The following NMNAT3 variants were observed in gnomAD, a reference collection of about 807,000 sequenced individuals.
NMNAT3 encodes nicotinamide/nicotinic acid mononucleotide adenylyltransferase 3.
Under a neutral mutation model 24.8 loss-of-function variants are expected in NMNAT3, and 21 were observed. The ratio of observed to expected loss-of-function variants is 0.85; its 90% CI spans 0.60 to 1.22. NMNAT3 has a LOEUF of 1.22. Ranked by LOEUF, NMNAT3 falls within the 50% of genes most tolerant of loss-of-function variation. NMNAT3 has a pLI of 0.00. For missense variants in NMNAT3, 387 were observed against 436.6 expected (o/e 0.89, Z 1.01); for synonymous variants, 136 against 155.2 (o/e 0.88, Z 0.92).
At chr3:139,627,303 T>G (rs2056094929) in intron 3 of NMNAT3, among the ~76,000 whole-genome samples, 1 of 152,130 alleles carries the variant, frequency 6.6e-6, no homozygotes, top group Non-Finnish European at 1.5e-5. Flanking sequence ...TAGGTAGATG[T>G]TGGGAGTACC....
intron 3 of NMNAT3, among the ~76,000 whole-genome samples, chr3:139,606,822 G>C (rs577539937): frequency 6.6e-6 from 1 of 152,018 alleles, no homozygotes; most frequent in South Asian, 2.1e-4. Context: ...ATTCTGTGGG[G>C]TGTAATCCCT....
At chr3:139,579,199 T>C (rs1939804432) in intron 4 of NMNAT3, 144 bp from the exon 5 acceptor site, 3 of 672,740 alleles carry the variant, frequency 4.5e-6, no homozygotes, top group African/African-American at 1.8e-5. Context: ...GGAGAAAGGG[T>C]AGCTCCCTTA....
At chr3:139,584,083 CA>C (rs139188496) in intron 3 of NMNAT3, 11,865 of 156,362 alleles carry the variant, frequency 0.076, 608 homozygotes, top group Middle Eastern at 0.22. Flanking sequence ...CTTTCTGTTT[CA>C]CTAATTTCTG....
intron 3 of NMNAT3, among the ~76,000 whole-genome samples, chr3:139,598,073 T>C (rs185529482): frequency 6.6e-6 from 1 of 152,318 alleles, no homozygotes; most frequent in East Asian, 1.9e-4. Flanking sequence ...CTTAAATAAA[T>C]AGAATTAGAT....
chr3:139,662,020 G>A (rs938782874), intron 1 of NMNAT3, among the ~76,000 whole-genome samples: 2 of 151,922 alleles, frequency 1.3e-5, no homozygotes, highest in African/African-American at 2.4e-5. Flanking sequence ...GAATGTCCCC[G>A]CAAAATCCTC....
At chr3:139,609,744 C>G (rs1358618427) in intron 3 of NMNAT3, 1 of 151,960 alleles carries the variant, frequency 6.6e-6, no homozygotes, top group African/African-American at 2.4e-5. Flanking sequence ...TATTAATCAG[C>G]CCAGGAGTTT....
chr3:139,562,948 T>C (rs1408408333), intron 6 of NMNAT3, among the ~76,000 whole-genome samples: 1 of 152,234 alleles, frequency 6.6e-6, no homozygotes, highest in Non-Finnish European at 1.5e-5. Flanking sequence ...ACTAAGACTC[T>C]AGAGCCAGAC....
intron 6 of NMNAT3, among the ~76,000 whole-genome samples, chr3:139,562,247 A>T (rs1936513905): frequency 6.6e-6 from 1 of 152,158 alleles, no homozygotes; most frequent in Non-Finnish European, 1.5e-5. Context: ...CCAGGCAGCC[A>T]TCCTCCAGGT....
chr3:139,572,452 C>G (rs564976621), intron 6 of NMNAT3, among the ~76,000 whole-genome samples: 8 of 152,286 alleles, frequency 5.3e-5, no homozygotes, highest in Non-Finnish European at 7.3e-5. Context: ...GCCCCCCAGA[C>G]TGGCTGTAAA....
At chr3:139,571,689 A>G (rs996423948) in intron 6 of NMNAT3, among the ~76,000 whole-genome samples, 6 of 152,146 alleles carry the variant, frequency 3.9e-5, no homozygotes, top group Admixed American at 6.5e-5. Flanking sequence ...GAGAGTTCAT[A>G]TTAATGAGAG....
At chr3:139,593,433 A>C (rs1291717831) in intron 3 of NMNAT3, among the ~76,000 whole-genome samples, 5 of 152,194 alleles carry the variant, frequency 3.3e-5, no homozygotes, top group East Asian at 3.9e-4. Flanking sequence ...ATACCCAGGA[A>C]TTGAACTCAG....
rs144257912 is a variant in NMNAT3, at chr3:139,571,011, G to A, written c.658+2587C>T. On this transcript the variant is annotated intron_variant, in intron 6 of 6. Transcript: ENST00000643695. ...TCCACCCAGTTGGAGCTTCCTGGAC[G>A]CTTTGTTTACCTAATGAAACAACTA... is the stretch of plus-strand genomic sequence containing the variant. 728 of 152,766 alleles carry A rather than the reference G, an allele frequency of 4.8e-3. 4 individuals carry two copies. Among genetic ancestry groups the A allele is most frequent in the Admixed American group, 9.7e-3 (149 of 15,302 alleles). The allele number at this position is 152,766 out of a possible 1,614,324, so 9.5% of individuals were successfully genotyped here. A position where few individuals can be genotyped will look rare whatever the true frequency, so the allele number is the denominator to read the frequency against.
intron 6 of NMNAT3, 108 bp from the exon 7 acceptor site, chr3:139,561,500 T>G (rs1322555559): frequency 1.9e-6 from 2 of 1,031,304 alleles, no homozygotes; most frequent in African/African-American, 1.6e-5. Flanking sequence ...TATCGAGAAC[T>G]CAGTGTCTCC....
chr3:139,662,695 T>G (rs2057454111), intron 1 of NMNAT3, among the ~76,000 whole-genome samples: 1 of 151,992 alleles, frequency 6.6e-6, no homozygotes, highest in African/African-American at 2.4e-5. Flanking sequence ...AGCAGAGAGG[T>G]TCTCCAAGGG....
chr3:139,639,946 A>G (rs994344185), intron 1 of NMNAT3, among the ~76,000 whole-genome samples: 2 of 152,184 alleles, frequency 1.3e-5, no homozygotes, highest in Admixed American at 6.5e-5. Flanking sequence ...CACTCCTTCC[A>G]TATATAATAC....
At chr3:139,592,424 A>G (rs111656508) in intron 3 of NMNAT3, among the ~76,000 whole-genome samples, 7 of 152,366 alleles carry the variant, frequency 4.6e-5, no homozygotes, top group South Asian at 2.1e-4. Context: ...AACTTCCCCA[A>G]TCTAGCAAGG....
chr3:139,615,478 T>C lies in NMNAT3; in HGVS notation c.109+12138A>G, dbSNP rs936718433. ...ATCTATCTATCCATCCACCCACCCA[T>C]CCATCCATTTATCCATCTACCCACC... On this transcript the variant is annotated intron_variant, in intron 3 of 6. Coordinates refer to ENST00000643695, the MANE Select transcript of NMNAT3 (RefSeq NM_001320510.2). 4.1e-3 allele frequency among the ~76,000 whole-genome samples: 614 copies of C among 150,292 alleles called. 6 individuals carry two copies. The highest frequency in any genetic ancestry group is 3.0e-3 in the Non-Finnish European group (200 of 67,418).
chr3:139,653,604 C>A (rs1011235266), intron 1 of NMNAT3, among the ~76,000 whole-genome samples: 10 of 152,194 alleles, frequency 6.6e-5, no homozygotes, highest in Non-Finnish European at 1.5e-4. Context: ...CAGGAGGATG[C>A]CCGAGAGGGC....
intron 1 of NMNAT3, among the ~76,000 whole-genome samples, chr3:139,639,881 C>A (rs1469483933): frequency 1.9e-4 from 29 of 152,136 alleles, no homozygotes. Flanking sequence ...GAGGGACAGA[C>A]AATTGAGAAG....
Sources: allele counts gnomAD v4.1 joint callset (sites outside exome capture counted in the v4.1 genomes callset), GRCh38; gene constraint gnomAD v4.1.1; transcripts MANE v1.5; gene names NCBI Gene and HGNC (gene_info 2026-07-23, HGNC 2026-07-21).